CENPK: variants seen among roughly 807,000 people sequenced by gnomAD.
The protein encoded by CENPK is SoxLZ/Sox6-binding protein Solt.
CENPK carries 46 observed loss-of-function variants against 40.9 expected under a neutral mutation model. That is an observed-to-expected ratio of 1.13 (90% CI 0.89 to 1.44). The LOEUF (loss-of-function observed/expected upper bound fraction) is 1.44. Ranked by LOEUF, CENPK falls within the 40% of genes most tolerant of loss-of-function variation. The pLI is 0.00. For missense variants in CENPK, 288 were observed against 303.5 expected, an observed-to-expected ratio of 0.95 and a Z score of 0.38; for synonymous variants, 107 against 104.4, an observed-to-expected ratio of 1.02 and a Z score of -0.15.
chr5:65,560,234 T>C lies in CENPK; in HGVS notation c.-40+1229A>G, dbSNP rs1236070110. ...ACCTAGGAGAAATACTTGTAATATA[T>C]ATGGCAACCCAAGACCTAATTTCCT... is the stretch of plus-strand genomic sequence containing the variant. On this transcript the variant is annotated intron_variant, in intron 2 of 10. Coordinates refer to ENST00000396679, the MANE Select transcript of CENPK (RefSeq NM_022145.5). Among the ~76,000 whole-genome samples the C allele has an allele frequency of 2.0e-5, 3 of 151,944 alleles. No homozygotes were observed. The East Asian group carries it at 5.8e-4, about 29-fold the overall frequency.
intron 4 of CENPK, 21 bp downstream of exon 4, chr5:65,552,472 T>C (rs756512541): frequency 7.2e-5 from 105 of 1,467,228 alleles, no homozygotes; most frequent in Non-Finnish European, 9.2e-5. Flanking sequence ...TTGTATTTTT[T>C]AGGAAGAAAA....
At chr5:65,516,978 C>T (rs138510876), downstream of CENPK, among the ~76,000 whole-genome samples, 2,514 of 151,554 alleles carry the variant, frequency 0.017, 37 homozygotes, top group Non-Finnish European at 0.023. Context: ...GAGTTTTGCT[C>T]GTCACCCAGG....
chr5:65,562,005 T>C (rs1285912576), intron 1 of CENPK, among the ~76,000 whole-genome samples: 2 of 152,194 alleles, frequency 1.3e-5, no homozygotes, highest in Admixed American at 6.5e-5. Context: ...CATGATATGA[T>C]TTCAGGTAGT....
the CENPK span, among the ~76,000 whole-genome samples, chr5:65,503,919 G>C: frequency 6.6e-6 from 1 of 151,694 alleles, no homozygotes; most frequent in Non-Finnish European, 1.5e-5. Context: ...GCCTCCCAAA[G>C]TGCTGGGATT....
chr5:65,547,374 CAG>C (rs1749190002), intron 5 of CENPK, among the ~76,000 whole-genome samples: 1 of 130,652 alleles, frequency 7.7e-6, no homozygotes, highest in African/African-American at 2.9e-5. Context: ...GCCTGGGCGA[CAG>C]AGTAAGACTG....
chr5:65,521,423 C>T (rs1580879510), intron 10 of CENPK, 52 bp downstream of exon 10: 1 of 1,410,140 alleles, frequency 7.1e-7, no homozygotes, highest in African/African-American at 1.4e-5. Context: ...TATAATTGTT[C>T]ACAAATGACT....
chr5:65,541,566 G>C (rs1747993955), intron 6 of CENPK: 1 of 408,650 alleles, frequency 2.4e-6, no homozygotes, highest in Admixed American at 2.5e-5. Flanking sequence ...TTAGACACAT[G>C]TTCTTTCTTT....
intron 10 of CENPK, among the ~76,000 whole-genome samples, chr5:65,519,410 G>A (rs1743306865): frequency 6.6e-6 from 1 of 152,144 alleles, no homozygotes; most frequent in African/African-American, 2.4e-5. Context: ...GTGGAAAAAC[G>A]CTAAATGTAG....
chr5:65,514,967 G>GT (rs1258743661), downstream of CENPK, among the ~76,000 whole-genome samples: 1 of 147,770 alleles, frequency 6.8e-6, no homozygotes, highest in Admixed American at 6.8e-5. Flanking sequence ...TATGGTAAAA[G>GT]TTTTATAAAT....
At chr5:65,541,644 C>T (rs1323298301) in intron 6 of CENPK, among the ~76,000 whole-genome samples, 1 of 152,194 alleles carries the variant, frequency 6.6e-6, no homozygotes, top group African/African-American at 2.4e-5. Context: ...CAGGACTATT[C>T]TGGTATTATC....
chr5:65,516,086 T>G (rs888056701), downstream of CENPK, among the ~76,000 whole-genome samples: 4 of 152,180 alleles, frequency 2.6e-5, no homozygotes, highest in Non-Finnish European at 4.4e-5. Flanking sequence ...CCTTAATATC[T>G]TCCAAGATCC....
At chr5:65,521,757 T>C (rs786531) in intron 9 of CENPK, among the ~76,000 whole-genome samples, 61,834 of 151,944 alleles carry the variant, frequency 0.41, 12,940 homozygotes, top group East Asian at 0.65. Flanking sequence ...CCCACCACCA[T>C]GCCTGGCTAA....
chr5:65,499,665 TA>T, the CENPK span, among the ~76,000 whole-genome samples: 6,314 of 94,138 alleles, frequency 0.067, 284 homozygotes, highest in African/African-American at 0.21. Context: ...TTTTTTTTTT[TA>T]ATTTTTTTTT....
the CENPK span, among the ~76,000 whole-genome samples, chr5:65,504,157 T>A: frequency 6.6e-5 from 10 of 151,696 alleles, no homozygotes; most frequent in Admixed American, 1.3e-4. Flanking sequence ...TCTTATATAT[T>A]TTTTTAAAAA....
Position 65,518,418 on chromosome 5 carries a change from G to T in CENPK, c.*57C>A. ...TGTTTTTTATCCAAATAGTCCTGTG[G>T]TTCCAATATCCTTGAATGATAAGAA... is the stretch of plus-strand genomic sequence containing the variant. On this transcript the variant is annotated 3_prime_UTR_variant, in exon 11 of 11. Transcript: ENST00000396679. 2 of 1,527,288 alleles carry T rather than the reference G, an allele frequency of 1.3e-6. No individual in the cohort carries two copies. Among genetic ancestry groups the T allele is most frequent in the Non-Finnish European group, 8.9e-7 (1 of 1,121,638 alleles). 94.6% of individuals were successfully genotyped at this position (1,527,288 alleles called of 1,614,324 possible).
intron 2 of CENPK, among the ~76,000 whole-genome samples, chr5:65,559,564 G>A (rs2150561214): frequency 6.7e-6 from 1 of 148,890 alleles, no homozygotes; most frequent in Middle Eastern, 3.5e-3. Flanking sequence ...GGGAGGCGGA[G>A]CTTGCAGTGA....
chr5:65,503,184 A>C, the CENPK span, among the ~76,000 whole-genome samples: 3 of 142,292 alleles, frequency 2.1e-5, no homozygotes, highest in African/African-American at 8.0e-5. Context: ...ATCTCAGCTC[A>C]CTGCAAAATC....
chr5:65,557,523 A>G (rs1447772261), intron 2 of CENPK, among the ~76,000 whole-genome samples: 2 of 152,258 alleles, frequency 1.3e-5, no homozygotes, highest in African/African-American at 2.4e-5. Context: ...AGCCCAAAGT[A>G]GCACAAAAGG....
intron 6 of CENPK, among the ~76,000 whole-genome samples, chr5:65,532,902 T>C (rs1411069761): frequency 2.3e-5 from 1 of 44,006 alleles, no homozygotes; most frequent in South Asian, 1.1e-3. Context: ...AGAGCGAAAC[T>C]CCATCTCCAA....
Sources: gnomAD v4.1 joint callset for allele counts (sites outside exome capture counted in the v4.1 genomes callset) on GRCh38, gnomAD v4.1.1 for gene constraint, MANE v1.5 for transcripts, NCBI Gene and HGNC (gene_info 2026-07-23, HGNC 2026-07-21) for gene names.